Variants in ARNT2 observed in about 807,000 individuals in gnomAD.
ARNT2 encodes the protein aryl hydrocarbon receptor nuclear translocator 2, also known as ARNT protein 2.
A neutral mutation model predicts 91.7 loss-of-function variants in ARNT2; 36 were observed. The ratio of observed to expected loss-of-function variants is 0.39; its 90% CI spans 0.30 to 0.52. The LOEUF is 0.52. Among genes scored for constraint, ARNT2 ranks in the 20% least tolerant of loss-of-function variants. The pLI is 0.72. For missense variants in ARNT2, 775 were observed against 939.3 expected, an observed-to-expected ratio of 0.83 and a Z score of 2.29; for synonymous variants, 365 against 347.1, an observed-to-expected ratio of 1.05 and a Z score of -0.57.
At chr15:80,482,099 G>A (rs1482198482) in intron 5 of ARNT2, among the ~76,000 whole-genome samples, 3 of 152,138 alleles carry the variant, frequency 2.0e-5, no homozygotes, top group Admixed American at 6.5e-5. Context: ...TTGTAGAGAT[G>A]AGGTCTTGCC....
rs772672456 is a variant in ARNT2, at chr15:80,513,925, C to A, written c.740C>A (p.Pro247His). 6.2e-7 allele frequency: 1 copy of A among 1,613,542 alleles called. No individual in the cohort carries two copies. Among genetic ancestry groups the A allele is most frequent in the South Asian group, 1.1e-5 (1 of 91,060 alleles). The change falls in exon 7 of 19, where the codon CCT becomes CAT. Residue 247 changes from proline (P) to histidine (H), a missense_variant. Physicochemically the swap from Pro to His is moderately conservative, Grantham distance 77 (BLOSUM62 -2). This residue lies in a region of ARNT2 where 285 missense variants were observed against 327.2 expected (regional missense o/e 0.87). Transcript: ENST00000303329. ...FICRMRCGNA[P>H]LDHLPLNRIT... ...TCACATCTTAGGTGTGGAAATGCTC[C>A]TTTGGACCACCTTCCTCTAAACAGA...
At chr15:80,550,531 G>T (rs776708747) in intron 8 of ARNT2, among the ~76,000 whole-genome samples, 3 of 152,204 alleles carry the variant, frequency 2.0e-5, no homozygotes, top group Non-Finnish European at 4.4e-5. Context: ...AGATGTTTAA[G>T]AACCTTGCAC....
At chr15:80,556,730 A>G (rs954514079) in intron 11 of ARNT2, 2 of 152,244 alleles carry the variant, frequency 1.3e-5, no homozygotes, top group Non-Finnish European at 2.9e-5. Flanking sequence ...CAGTAGTCGG[A>G]GGAGGTAGGC....
Position 80,591,557 on chromosome 15 carries a change from G to A in ARNT2, c.1919-11G>A, listed in dbSNP as rs780890411. On this transcript the variant is annotated splice_polypyrimidine_tract_variant and intron_variant, in intron 17 of 18. Coordinates refer to ENST00000303329, the MANE Select transcript of ARNT2 (RefSeq NM_014862.4). This position sits in a 1 kb window ranked among gnomAD's most constrained non-coding sequence, Gnocchi z 5.1. ...TTTTAAAGGAAGTGTCCTGTGTGTCGAATCTTTCAGCTGAAAGTGGACAAA... is the reference window on the plus strand; with the variant it reads ...TTTTAAAGGAAGTGTCCTGTGTGTCAAATCTTTCAGCTGAAAGTGGACAAA... 5.0e-6 allele frequency: 8 copies of A among 1,613,916 alleles called. No individual in the cohort carries two copies. Among genetic ancestry groups the A allele is most frequent in the Middle Eastern group, 3.3e-4 (2 of 6,078 alleles).
At chr15:80,566,806 T>A (rs1453429658) in intron 12 of ARNT2, among the ~76,000 whole-genome samples, 2 of 152,252 alleles carry the variant, frequency 1.3e-5, no homozygotes, top group Non-Finnish European at 2.9e-5. Flanking sequence ...ATTCTTTTTT[T>A]ACCTTTGCCT....
At chr15:80,505,977 C>T (rs535977070) in intron 5 of ARNT2, among the ~76,000 whole-genome samples, 49 of 131,674 alleles carry the variant, frequency 3.7e-4, no homozygotes, top group African/African-American at 7.4e-4. Flanking sequence ...TCGCCCAGGC[C>T]GTACTGCGGA....
chr15:80,442,350 C>T (rs202053441), intron 1 of ARNT2, among the ~76,000 whole-genome samples: 1 of 152,200 alleles, frequency 6.6e-6, no homozygotes. Context: ...CAGCCTTCCC[C>T]ACCACATGGT....
chr15:80,497,830 T>G (rs1210641235), intron 5 of ARNT2, among the ~76,000 whole-genome samples: 2 of 152,190 alleles, frequency 1.3e-5, no homozygotes, highest in Non-Finnish European at 2.9e-5. Context: ...GGAAAACACT[T>G]TACTCAGCAA....
At chr15:80,458,197 C>G (rs1896505676) in intron 3 of ARNT2, among the ~76,000 whole-genome samples, 1 of 152,064 alleles carries the variant, frequency 6.6e-6, no homozygotes, top group African/African-American at 2.4e-5. Context: ...AAGTTATTAA[C>G]TCTGTTTGCT....
chr15:80,504,772 A>G (rs1246949074), intron 5 of ARNT2, among the ~76,000 whole-genome samples: 5 of 99,628 alleles, frequency 5.0e-5, no homozygotes, highest in South Asian at 5.3e-4. Flanking sequence ...TGTCTCAAAG[A>G]AAAAAAAAAA....
chr15:80,590,138 C>T (rs903110744), intron 17 of ARNT2, among the ~76,000 whole-genome samples: 2 of 152,168 alleles, frequency 1.3e-5, no homozygotes, highest in Non-Finnish European at 2.9e-5. Flanking sequence ...TAACGCAGTG[C>T]CCAGGCTGGG....
At position 80,591,854 on chromosome 15, in the gene ARNT2, C is replaced by T; in HGVS notation, c.2055+150C>T. On this transcript the variant is annotated intron_variant, in intron 18 of 18. Transcript: ENST00000303329. This position sits in a 1 kb window ranked among gnomAD's most constrained non-coding sequence, Gnocchi z 5.1. ...TCGAGGGAGTCCAGGAGTAGAAAGC[C>T]CCATCCTACCCAGCCAGAAACGTCA... 1 of 1,263,224 alleles carries T rather than the reference C, an allele frequency of 7.9e-7. No homozygotes were observed. The highest frequency in any genetic ancestry group is 1.1e-6 in the Non-Finnish European group (1 of 932,250). 78.3% of individuals were successfully genotyped at this position (1,263,224 alleles called of 1,614,324 possible).
chr15:80,416,278 G>A (rs1383443867), intron 1 of ARNT2, among the ~76,000 whole-genome samples: 1 of 151,576 alleles, frequency 6.6e-6, no homozygotes, highest in South Asian at 2.1e-4. Flanking sequence ...ATTTTACCAT[G>A]TTGGCTTTAT....
intron 10 of ARNT2, among the ~76,000 whole-genome samples, chr15:80,553,768 A>C (rs2141457694): frequency 6.6e-6 from 1 of 152,326 alleles, no homozygotes; most frequent in Admixed American, 6.5e-5. Flanking sequence ...ATTCTGAGCA[A>C]CTACGTTTGG....
At chr15:80,462,140 G>A (rs764229080) in intron 3 of ARNT2, among the ~76,000 whole-genome samples, 2 of 152,178 alleles carry the variant, frequency 1.3e-5, no homozygotes, top group East Asian at 3.9e-4. Flanking sequence ...CAAGCAGAGG[G>A]CCAAAGCCTT....
chr15:80,551,207 A>G lies in ARNT2; in HGVS notation c.886A>G (p.Ile296Val), dbSNP rs773777423. The G allele has an allele frequency of 2.5e-5, 41 of 1,613,818 alleles. No homozygotes were observed. Among genetic ancestry groups the G allele is most frequent in the Non-Finnish European group, 3.1e-5 (36 of 1,179,810 alleles). Residue 296 changes from isoleucine to valine, a missense_variant, in exon 9 of 19, where the codon ATA becomes GTA. By Grantham distance (29) the Ile-to-Val change is conservative. Around this residue, in one of 5 missense-constraint regions of ARNT2, gnomAD observed 285 missense variants for 327.2 expected, o/e 0.87. Transcript: ENST00000303329. Reference protein sequence around the residue: ...IKAWPPAGMTIPEEDADVGQG... With the variant: ...IKAWPPAGMTVPEEDADVGQG... Reference sequence around the variant, plus strand: ...GGTATTTCCCATTTCAGGAATGACCATACCTGAAGAAGACGCTGATGTGGG... The same window carrying G: ...GGTATTTCCCATTTCAGGAATGACCGTACCTGAAGAAGACGCTGATGTGGG...
At chr15:80,482,796 T>C (rs1237644863) in intron 5 of ARNT2, among the ~76,000 whole-genome samples, 3 of 152,162 alleles carry the variant, frequency 2.0e-5, no homozygotes, top group Non-Finnish European at 4.4e-5. Context: ...TTGTTAGAAA[T>C]GCAGATTCTT....
At position 80,470,373 on chromosome 15, in the gene ARNT2, G is replaced by A; in HGVS notation, c.350G>A (p.Arg117Lys). The A allele has an allele frequency of 1.9e-6, 3 of 1,614,196 alleles. No homozygotes were observed. Among genetic ancestry groups the A allele is most frequent in the Non-Finnish European group, 2.5e-6 (3 of 1,180,042 alleles). ...RMAVSHMKSM[R>K]GTGNKSTDGA... ...GCCGTCTCGCACATGAAGTCCATGA[G>A]GGGTACAGGGAACAAGTCCACCGAT... Residue 117 changes from arginine to lysine, a missense_variant, in exon 4 of 19, where the codon AGG (arginine) becomes AAG (lysine). Arg to Lys is a conservative substitution (Grantham distance 26, BLOSUM62 2). Around this residue, in one of 5 missense-constraint regions of ARNT2, gnomAD observed 83 missense variants for 149.4 expected, o/e 0.56. Transcript: ENST00000303329.
At chr15:80,456,471 A>T (rs189229055) in intron 2 of ARNT2, among the ~76,000 whole-genome samples, 14 of 152,328 alleles carry the variant, frequency 9.2e-5, no homozygotes, top group Admixed American at 9.1e-4. Flanking sequence ...AAACAAAATA[A>T]GGCCAAGATT....
Sources: gnomAD v4.1 joint callset for allele counts (sites outside exome capture counted in the v4.1 genomes callset) on GRCh38, gnomAD v4.1.1 for gene constraint, gnomAD v4.1.1 regional missense constraint, Gnocchi (gnomAD v3.1) non-coding constraint, MANE v1.5 for transcripts, NCBI Gene and HGNC (gene_info 2026-07-23, HGNC 2026-07-21) for gene names.